IL26: variants seen among roughly 807,000 people sequenced by gnomAD.
IL26 encodes interleukin-26.
In IL26, 23 loss-of-function variants were observed where a neutral mutation model predicts 21.7. The ratio of observed to expected loss-of-function variants is 1.06; its 90% CI spans 0.76 to 1.50. The LOEUF is 1.50. IL26 is among the 40% of genes most tolerant of loss of function. The pLI is 0.00. For missense variants in IL26, 204 were observed against 196.0 expected (o/e 1.04, Z -0.24); for synonymous variants, 63 against 67.8 (o/e 0.93, Z 0.34).
intron 3 of IL26, among the ~76,000 whole-genome samples, chr12:68,214,624 T>A (rs141637820): frequency 1.3e-5 from 2 of 152,306 alleles, no homozygotes; most frequent in African/African-American, 4.8e-5. Context: ...TGGCTTGTAG[T>A]CTATCTGATA....
At chr12:68,209,666 CTGCACATG>C (rs1157986690) in intron 3 of IL26, among the ~76,000 whole-genome samples, 1 of 152,112 alleles carries the variant, frequency 6.6e-6, no homozygotes, top group Admixed American at 6.6e-5. Flanking sequence ...ACTCTGGACC[CTGCACATG>C]TTCCAAGACT....
At chr12:68,217,912 AAGG>A (rs1868930569) in intron 3 of IL26, among the ~76,000 whole-genome samples, 1 of 152,196 alleles carries the variant, frequency 6.6e-6, no homozygotes, top group African/African-American at 2.4e-5. Context: ...ACATTTCAAA[AAGG>A]AGGAAGAGAA....
chr12:68,209,452 CAAG>C (rs1390495095), intron 3 of IL26, among the ~76,000 whole-genome samples: 1 of 152,142 alleles, frequency 6.6e-6, no homozygotes, highest in Non-Finnish European at 1.5e-5. Flanking sequence ...TCTTTTAACT[CAAG>C]ATACAATCGA....
chr12:68,213,079 G>T (rs1390285089), intron 3 of IL26, among the ~76,000 whole-genome samples: 1 of 151,476 alleles, frequency 6.6e-6, no homozygotes, highest in African/African-American at 2.4e-5. Flanking sequence ...GTCTGTTAAG[G>T]GTTTTTATCA....
intron 3 of IL26, among the ~76,000 whole-genome samples, chr12:68,206,873 T>A (rs1868558664): frequency 2.0e-5 from 3 of 152,338 alleles, no homozygotes; most frequent in Admixed American, 2.0e-4. Flanking sequence ...AGAAACTGTT[T>A]CTCTTGTTAT....
intron 3 of IL26, among the ~76,000 whole-genome samples, chr12:68,210,026 T>G (rs1868662938): frequency 6.6e-6 from 1 of 152,156 alleles, no homozygotes; most frequent in Non-Finnish European, 1.5e-5. Context: ...GTTTTTTGTT[T>G]TTTTAGTTGA....
chr12:68,223,738 A>AAAGAG (rs1248771228), intron 3 of IL26, among the ~76,000 whole-genome samples: 3 of 152,226 alleles, frequency 2.0e-5, no homozygotes, highest in African/African-American at 4.8e-5. Flanking sequence ...TGTGTTTTGC[A>AAAGAG]AAGAGGTATC....
chr12:68,201,798 T>G lies in IL26; in HGVS notation c.*47A>C. On this transcript the variant is annotated 3_prime_UTR_variant, in exon 5 of 5. Coordinates refer to ENST00000229134, the MANE Select transcript of IL26 (RefSeq NM_018402.2). ...GTTATAAACATATTTCTAGCAGTTCTTATTGTATTTCAAAATAACTGTAAA... is the reference window on the plus strand; with the variant it reads ...GTTATAAACATATTTCTAGCAGTTCGTATTGTATTTCAAAATAACTGTAAA... 7.8e-7 allele frequency: 1 copy of G among 1,289,736 alleles called. No homozygotes were observed. The highest frequency in any genetic ancestry group is 1.1e-6 in the Non-Finnish European group (1 of 916,904). 79.9% of individuals were successfully genotyped at this position (1,289,736 alleles called of 1,614,324 possible). A position where few individuals can be genotyped will look rare whatever the true frequency, so the allele number is the denominator to read the frequency against.
At chr12:68,208,339 C>A (rs1868601659) in intron 3 of IL26, among the ~76,000 whole-genome samples, 1 of 152,102 alleles carries the variant, frequency 6.6e-6, no homozygotes, top group Non-Finnish European at 1.5e-5. Flanking sequence ...TTTAAACACC[C>A]TTCAGGTCTC....
intron 3 of IL26, among the ~76,000 whole-genome samples, chr12:68,211,925 C>T (rs984327699): frequency 6.7e-6 from 1 of 149,878 alleles, no homozygotes; most frequent in African/African-American, 2.4e-5. Flanking sequence ...TCTGTACTTT[C>T]GAGGACTTAC....
intron 3 of IL26, among the ~76,000 whole-genome samples, chr12:68,220,070 A>C (rs889461260): frequency 2.6e-5 from 4 of 152,150 alleles, no homozygotes; most frequent in Non-Finnish European, 5.9e-5. Context: ...AATAGAATAC[A>C]TAGTTTAAAA....
chr12:68,212,628 G>T (rs1868765917), intron 3 of IL26, among the ~76,000 whole-genome samples: 1 of 151,872 alleles, frequency 6.6e-6, no homozygotes, highest in South Asian at 2.1e-4. Context: ...TCACTTCCTT[G>T]GTTAAATTTA....
At chr12:68,224,491 TAC>T (rs1869171561) in intron 3 of IL26, among the ~76,000 whole-genome samples, 1 of 151,970 alleles carries the variant, frequency 6.6e-6, no homozygotes, top group Non-Finnish European at 1.5e-5. Context: ...TTAAGTTTTT[TAC>T]TGAGATTATG....
chr12:68,222,853 A>C (rs1338822281), intron 3 of IL26, among the ~76,000 whole-genome samples: 4 of 152,214 alleles, frequency 2.6e-5, no homozygotes, highest in African/African-American at 9.6e-5. Flanking sequence ...TAGGTTGACC[A>C]TTTATACATT....
intron 3 of IL26, among the ~76,000 whole-genome samples, chr12:68,213,257 T>C (rs1264557604): frequency 6.6e-6 from 1 of 152,114 alleles, no homozygotes; most frequent in East Asian, 1.9e-4. Context: ...ATCTTTTCAA[T>C]GTGTTGTTGA....
rs1334662847 is a variant in IL26 at position 68,204,310 on chromosome 12, A to AT, written c.364-2228dup. On this transcript the variant is annotated intron_variant, in intron 3 of 4. Coordinates refer to ENST00000229134, the MANE Select transcript of IL26 (RefSeq NM_018402.2). Reference sequence around the variant, plus strand: ...AGGCGCCCTCCACCACGCCCGGCTGATTTTTTGTATTTTTAGTAGAGATGG... The same window carrying AT: ...AGGCGCCCTCCACCACGCCCGGCTGATTTTTTTGTATTTTTAGTAGAGATGG... 3.3e-5 allele frequency among the ~76,000 whole-genome samples: 5 copies of AT among 151,578 alleles called. No individual in the cohort carries two copies. In the South Asian group the frequency reaches 8.4e-4, roughly 25 times the overall value.
At chr12:68,212,164 C>A (rs1057445483) in intron 3 of IL26, among the ~76,000 whole-genome samples, 11 of 151,966 alleles carry the variant, frequency 7.2e-5, no homozygotes, top group African/African-American at 2.7e-4. Context: ...ATTCTTGGCA[C>A]CTTTGTCAAA....
chr12:68,215,191 T>C (rs1868841928), intron 3 of IL26, among the ~76,000 whole-genome samples: 1 of 152,200 alleles, frequency 6.6e-6, no homozygotes, highest in Non-Finnish European at 1.5e-5. Context: ...TTTTGACTTT[T>C]TGTTGAGGCA....
At chr12:68,216,636 A>G (rs1370431778) in intron 3 of IL26, among the ~76,000 whole-genome samples, 1 of 152,212 alleles carries the variant, frequency 6.6e-6, no homozygotes, top group Non-Finnish European at 1.5e-5. Flanking sequence ...AATTTTTACA[A>G]TTTTAAATTA....
Sources: gnomAD v4.1 joint callset for allele counts (sites outside exome capture counted in the v4.1 genomes callset) on GRCh38, gnomAD v4.1.1 for gene constraint, MANE v1.5 for transcripts, NCBI Gene and HGNC (gene_info 2026-07-23, HGNC 2026-07-21) for gene names.